LSM3: variants seen among roughly 807,000 people sequenced by gnomAD.
LSM3 encodes LSM3 homolog, U6 small nuclear RNA and mRNA degradation associated.
LSM3 carries 14 observed loss-of-function variants against 15.4 expected under a neutral mutation model. The ratio of observed to expected loss-of-function variants is 0.91; its 90% CI spans 0.60 to 1.42. The LOEUF (loss-of-function observed/expected upper bound fraction) is 1.42. LSM3 is among the 40% of genes most tolerant of loss of function. The pLI is 0.00. For synonymous variants in LSM3, 46 were observed against 45.1 expected (o/e 1.02, Z -0.08); for missense variants, 88 against 127.9 (o/e 0.69, Z 1.50).
chr3:14,179,698 T>C (rs1295048142), intron 1 of LSM3, among the ~76,000 whole-genome samples: 1 of 152,214 alleles, frequency 6.6e-6, no homozygotes, highest in Non-Finnish European at 1.5e-5. Flanking sequence ...TGTTCATTCT[T>C]TTGTCTTTGG....
intron 2 of LSM3, among the ~76,000 whole-genome samples, chr3:14,182,417 C>G (rs1039928984): frequency 3.3e-5 from 5 of 151,558 alleles, no homozygotes; most frequent in Non-Finnish European, 7.4e-5. Flanking sequence ...TAATGACTAC[C>G]TAGGATTCTG....
At chr3:14,194,775 CTTT>C (rs145805608) in intron 3 of LSM3, among the ~76,000 whole-genome samples, 14,222 of 88,416 alleles carry the variant, frequency 0.16, 1,174 homozygotes, top group Non-Finnish European at 0.21. Context: ...TTATAGCATC[CTTT>C]TTTTTTTTTT....
At position 14,198,726 on chromosome 3, in the gene LSM3, G is replaced by A. The variant is rs62232866; in HGVS notation, c.*610G>A. 10,561 of 152,644 alleles carry A rather than the reference G, an allele frequency of 0.069. 485 individuals are homozygous for A. The highest frequency in any genetic ancestry group is 0.12 in the Middle Eastern group (36 of 296). 9.5% of individuals were successfully genotyped at this position (152,644 alleles called of 1,614,324 possible). A position where few individuals can be genotyped will look rare whatever the true frequency, so the allele number is the denominator to read the frequency against. On this transcript the variant is annotated 3_prime_UTR_variant, in exon 4 of 4. Transcript: ENST00000306024. ...ATATAAAAATTAGCCAGGCGTGGTG[G>A]CGCATACTTGTAATCCCAGCTACTC...
chr3:14,186,487 T>C (rs1697090510), intron 3 of LSM3, among the ~76,000 whole-genome samples: 1 of 152,256 alleles, frequency 6.6e-6, no homozygotes, highest in Non-Finnish European at 1.5e-5. Context: ...TAGCCTTCAC[T>C]GGATTTTGTA....
chr3:14,193,737 C>T (rs547386529), intron 3 of LSM3, among the ~76,000 whole-genome samples: 18 of 152,256 alleles, frequency 1.2e-4, no homozygotes, highest in African/African-American at 1.9e-4. Context: ...TCATTTAGCT[C>T]GGAGTTGTTT....
At chr3:14,188,231 T>G (rs1368976692) in intron 3 of LSM3, among the ~76,000 whole-genome samples, 1 of 151,616 alleles carries the variant, frequency 6.6e-6, no homozygotes, top group Non-Finnish European at 1.5e-5. Context: ...ACATTTAATT[T>G]TATTTAATTT....
chr3:14,197,814 G>T (rs952041441), intron 3 of LSM3, among the ~76,000 whole-genome samples: 6 of 152,216 alleles, frequency 3.9e-5, no homozygotes, highest in South Asian at 2.1e-4. Flanking sequence ...TGTGTGCCCA[G>T]GAGGAGAAGA....
intron 3 of LSM3, among the ~76,000 whole-genome samples, chr3:14,194,225 C>T (rs996135682): frequency 3.9e-4 from 59 of 152,240 alleles, no homozygotes; most frequent in African/African-American, 1.4e-3. Context: ...AGTCATTATA[C>T]ACGGGGGTCA....
chr3:14,187,301 G>A (rs1053250590), intron 3 of LSM3, among the ~76,000 whole-genome samples: 3 of 152,196 alleles, frequency 2.0e-5, no homozygotes, highest in African/African-American at 7.2e-5. Context: ...TACTGGGGCT[G>A]GTTAGCTCCT....
chr3:14,186,750 A>G lies in LSM3; in HGVS notation c.228+2718A>G, dbSNP rs555920728. Among the ~76,000 whole-genome samples, 44 of 152,352 alleles carry G rather than the reference A, an allele frequency of 2.9e-4. 1 individual carries two copies. In the South Asian group the frequency reaches 9.1e-3, roughly 32 times the overall value. On this transcript the variant is annotated intron_variant, in intron 3 of 3. Coordinates refer to ENST00000306024, the MANE Select transcript of LSM3 (RefSeq NM_014463.3). ...GTTATTGTTTTCTTAACATGGACAC[A>G]ATCATAAGTACTAAGATGCACTTTT...
At chr3:14,197,228 G>A (rs1364440942) in intron 3 of LSM3, among the ~76,000 whole-genome samples, 1 of 152,214 alleles carries the variant, frequency 6.6e-6, no homozygotes, top group Non-Finnish European at 1.5e-5. Context: ...GTTCTTGCCT[G>A]AGCTTTTCTG....
intron 3 of LSM3, 89 bp downstream of exon 3, chr3:14,184,121 G>A: frequency 2.1e-6 from 3 of 1,441,850 alleles, no homozygotes; most frequent in Non-Finnish European, 2.7e-6. Context: ...AGCCTGTCAT[G>A]TTTTGACACC....
intron 3 of LSM3, among the ~76,000 whole-genome samples, chr3:14,193,540 T>C (rs1697160397): frequency 6.6e-6 from 1 of 152,248 alleles, no homozygotes; most frequent in Non-Finnish European, 1.5e-5. Flanking sequence ...CTTCAATCAC[T>C]GATGTCCTTT....
chr3:14,195,610 G>C (rs1332924313), intron 3 of LSM3, among the ~76,000 whole-genome samples: 1 of 152,166 alleles, frequency 6.6e-6, no homozygotes, highest in Non-Finnish European at 1.5e-5. Context: ...TCTGAACTGA[G>C]AGAACTGTGA....
chr3:14,188,606 T>TA (rs1239700317), intron 3 of LSM3, among the ~76,000 whole-genome samples: 2 of 152,068 alleles, frequency 1.3e-5, no homozygotes, highest in East Asian at 3.8e-4. Context: ...TAATGAGTGT[T>TA]AGTTATTCTC....
At chr3:14,194,932 C>T (rs1156435375) in intron 3 of LSM3, among the ~76,000 whole-genome samples, 1 of 152,070 alleles carries the variant, frequency 6.6e-6, no homozygotes, top group Non-Finnish European at 1.5e-5. Context: ...GGAGATTCCT[C>T]ACACATGGGT....
At chr3:14,196,347 C>G (rs1391151485) in intron 3 of LSM3, among the ~76,000 whole-genome samples, 1 of 152,098 alleles carries the variant, frequency 6.6e-6, no homozygotes, top group African/African-American at 2.4e-5. Context: ...CATCTGTACC[C>G]CCAAAGGATG....
intron 3 of LSM3, among the ~76,000 whole-genome samples, chr3:14,196,730 A>G (rs1416490109): frequency 6.6e-6 from 1 of 152,228 alleles, no homozygotes; most frequent in African/African-American, 2.4e-5. Context: ...AAAATCTGGC[A>G]ACCCTAAATG....
chr3:14,193,865 T>G (rs558191736), intron 3 of LSM3, among the ~76,000 whole-genome samples: 23 of 152,248 alleles, frequency 1.5e-4, no homozygotes, highest in African/African-American at 5.3e-4. Context: ...GGCGTTCGTG[T>G]TTTTGGAATT....
Sources: gnomAD v4.1 joint callset for allele counts (sites outside exome capture counted in the v4.1 genomes callset) on GRCh38, gnomAD v4.1.1 for gene constraint, MANE v1.5 for transcripts, NCBI Gene and HGNC (gene_info 2026-07-23, HGNC 2026-07-21) for gene names.